FBXL13: variants seen among roughly 807,000 people sequenced by gnomAD.
The protein encoded by FBXL13 is F-box and leucine rich repeat protein 13, also known as F-box and leucine-rich repeat protein 13.
Under a neutral mutation model 83.6 loss-of-function variants are expected in FBXL13, and 67 were observed. The observed-to-expected ratio is 0.80, with a 90% CI of 0.66 to 0.98. The LOEUF is 0.98. Ranked by LOEUF, FBXL13 falls within the 50% of genes least tolerant of loss-of-function variation. The pLI, the probability that FBXL13 is intolerant of heterozygous loss-of-function variation, is 0.00. For missense variants in FBXL13, 822 were observed against 866.5 expected, an observed-to-expected ratio of 0.95 and a Z score of 0.64; for synonymous variants, 272 against 299.5, an observed-to-expected ratio of 0.91 and a Z score of 0.95.
At chr7:102,915,911 A>G (rs890450737) in intron 10 of FBXL13, among the ~76,000 whole-genome samples, 1 of 152,224 alleles carries the variant, frequency 6.6e-6, no homozygotes, top group African/African-American at 2.4e-5. Context: ...AAAATGTCCC[A>G]GAGACTGCTA....
chr7:102,815,106 G>A lies in FBXL13; in HGVS notation c.2019-1575C>T, dbSNP rs1797809043. On this transcript the variant is annotated intron_variant, in intron 19 of 19. Coordinates refer to ENST00000313221, the Ensembl canonical transcript of FBXL13. ...TCAGTTTCATGTAACAAACAGCAAG[G>A]CTCCATCATTACCCTTCACCCATCT... is the stretch of plus-strand genomic sequence containing the variant. Among the ~76,000 whole-genome samples, 5 of 152,032 alleles carry A rather than the reference G, an allele frequency of 3.3e-5. No homozygotes were observed. The South Asian group carries it at 1.0e-3, about 32-fold the overall frequency.
chr7:102,844,618 C>T (rs1051628956), intron 17 of FBXL13, among the ~76,000 whole-genome samples: 9 of 152,146 alleles, frequency 5.9e-5, no homozygotes, highest in Non-Finnish European at 1.3e-4. Flanking sequence ...CTCAATACTT[C>T]CAGAACACTT....
At chr7:103,066,181 T>A (rs1798374033) in intron 1 of FBXL13, among the ~76,000 whole-genome samples, 1 of 152,174 alleles carries the variant, frequency 6.6e-6, no homozygotes, top group Non-Finnish European at 1.5e-5. Flanking sequence ...GGGAAAAAAA[T>A]TTTAGACTTT....
chr7:102,878,654 G>T (rs898914925), intron 14 of FBXL13, among the ~76,000 whole-genome samples: 1 of 152,148 alleles, frequency 6.6e-6, no homozygotes, highest in Non-Finnish European at 1.5e-5. Flanking sequence ...AATGGGAGAA[G>T]TATTAATTAA....
intron 10 of FBXL13, among the ~76,000 whole-genome samples, chr7:102,925,026 A>G (rs931080511): frequency 2.6e-5 from 4 of 152,230 alleles, no homozygotes; most frequent in African/African-American, 9.6e-5. Flanking sequence ...CAATAGTTTG[A>G]GAAATGTTTT....
chr7:102,892,139 T>C (rs2129460515), intron 11 of FBXL13, among the ~76,000 whole-genome samples: 1 of 152,288 alleles, frequency 6.6e-6, no homozygotes, highest in African/African-American at 2.4e-5. Flanking sequence ...CCAGAAAGAA[T>C]AAAATTTTTT....
At chr7:102,854,163 C>T (rs1334763683) in intron 17 of FBXL13, among the ~76,000 whole-genome samples, 1 of 152,094 alleles carries the variant, frequency 6.6e-6, no homozygotes, top group Non-Finnish European at 1.5e-5. Flanking sequence ...AAATGTGGCA[C>T]ATATACACCA....
intron 10 of FBXL13, among the ~76,000 whole-genome samples, chr7:102,919,727 A>G (rs1816623106): frequency 6.6e-6 from 1 of 152,232 alleles, no homozygotes; most frequent in South Asian, 2.1e-4. Context: ...AGAACTATAC[A>G]TGAAGAGAAG....
intron 1 of FBXL13, among the ~76,000 whole-genome samples, chr7:103,065,526 T>C (rs772087034): frequency 9.2e-5 from 14 of 152,222 alleles, no homozygotes; most frequent in Non-Finnish European, 1.5e-4. Context: ...CACACCCGTG[T>C]TTTGAATAAA....
chr7:102,877,344 C>T (rs1809404970), intron 16 of FBXL13, 123 bp downstream of exon 17: 1 of 874,200 alleles, frequency 1.1e-6, no homozygotes, highest in East Asian at 3.3e-5. Context: ...TATCCCTAAA[C>T]TTAACTTTTA....
At chr7:102,916,618 A>G (rs1471442012) in intron 10 of FBXL13, among the ~76,000 whole-genome samples, 1 of 152,176 alleles carries the variant, frequency 6.6e-6, no homozygotes. Context: ...AATTTTGTGC[A>G]ATACTCATAC....
At chr7:102,835,008 A>G (rs1164100279) in intron 17 of FBXL13, among the ~76,000 whole-genome samples, 1 of 152,080 alleles carries the variant, frequency 6.6e-6, no homozygotes, top group Non-Finnish European at 1.5e-5. Flanking sequence ...AATGTTAACT[A>G]CTATCAGGAT....
exon 12 of FBXL13, chr7:102,884,221 C>T (rs1487228589): frequency 6.2e-7 from 1 of 1,612,392 alleles, no homozygotes; most frequent in Non-Finnish European, 8.5e-7. Context: ...TACTTTTACA[C>T]AGTTGTCCGT....
intron 6 of FBXL13, among the ~76,000 whole-genome samples, chr7:102,980,601 C>T (rs2129483352): frequency 1.3e-5 from 2 of 152,214 alleles, no homozygotes; most frequent in African/African-American, 2.4e-5. Flanking sequence ...CATGGTGAAA[C>T]CCCAGGTCTA....
intron 8 of FBXL13, chr7:102,934,437 T>G: frequency 6.2e-7 from 1 of 1,614,210 alleles, no homozygotes; most frequent in Non-Finnish European, 8.5e-7. Flanking sequence ...GAAACGCTTA[T>G]TTCAATGTTG....
intron 19 of FBXL13, 95 bp downstream of exon 20, chr7:102,821,945 T>C: frequency 1.5e-6 from 2 of 1,291,968 alleles, no homozygotes; most frequent in East Asian, 2.3e-5. Context: ...TTCCTAACAC[T>C]GAAAGCTGCT....
chr7:103,006,936 C>T (rs1791054956), intron 6 of FBXL13, among the ~76,000 whole-genome samples: 1 of 152,102 alleles, frequency 6.6e-6, no homozygotes, highest in Admixed American at 6.5e-5. Flanking sequence ...AATACAATAT[C>T]TGTAATTTAA....
chr7:102,894,730 T>TAAA (rs1213476355), intron 11 of FBXL13, among the ~76,000 whole-genome samples: 1 of 134,640 alleles, frequency 7.4e-6, no homozygotes, highest in African/African-American at 2.8e-5. Flanking sequence ...CTTTGTCTCT[T>TAAA]AAAAAAAAAA....
chr7:102,861,290 C>CT (rs1002855319), intron 16 of FBXL13, among the ~76,000 whole-genome samples: 6 of 151,822 alleles, frequency 4.0e-5, no homozygotes, highest in African/African-American at 1.5e-4. Flanking sequence ...TCTTTTTAGT[C>CT]TTTTTTTCTT....
Sources: gnomAD v4.1 joint callset for allele counts (sites outside exome capture counted in the v4.1 genomes callset) on GRCh38, gnomAD v4.1.1 for gene constraint, MANE v1.5 for transcripts, NCBI Gene and HGNC (gene_info 2026-07-23, HGNC 2026-07-21) for gene names.